ALKBH1: variants seen among roughly 807,000 people sequenced by gnomAD.
The protein encoded by ALKBH1 is alkB homolog 1, histone H2A dioxygenase.
In ALKBH1, 31 loss-of-function variants were observed where a neutral mutation model predicts 36.6. The observed-to-expected ratio is 0.85, with a 90% CI of 0.64 to 1.14. The LOEUF (loss-of-function observed/expected upper bound fraction) is 1.14. Among genes scored for constraint, ALKBH1 ranks in the 50% most tolerant of loss-of-function variants. The pLI, the probability that ALKBH1 is intolerant of heterozygous loss-of-function variation, is 0.00. For missense variants in ALKBH1, 490 were observed against 497.3 expected (o/e 0.99, Z 0.14); for synonymous variants, 183 against 186.6 (o/e 0.98, Z 0.16).
chr14:77,683,979 GTCT>G (rs2080253549), intron 3 of ALKBH1: 2 of 153,048 alleles, frequency 1.3e-5, no homozygotes, highest in Non-Finnish European at 2.9e-5. Context: ...CTTTCCCTTT[GTCT>G]TCGTCATTTT....
intron 4 of ALKBH1, among the ~76,000 whole-genome samples, chr14:77,677,812 T>G (rs1457997815): frequency 6.6e-6 from 1 of 152,190 alleles, no homozygotes; most frequent in East Asian, 1.9e-4. Flanking sequence ...TCCTCTATCA[T>G]TTTAAGCTTT....
chr14:77,690,158 G>C (rs553916694), intron 3 of ALKBH1, among the ~76,000 whole-genome samples: 1 of 152,186 alleles, frequency 6.6e-6, no homozygotes, highest in Non-Finnish European at 1.5e-5. Context: ...GAGCTTCCTA[G>C]GTAGAACAGC....
chr14:77,676,622 T>C (rs1240165967), intron 4 of ALKBH1, among the ~76,000 whole-genome samples: 1 of 152,216 alleles, frequency 6.6e-6, no homozygotes, highest in Non-Finnish European at 1.5e-5. Flanking sequence ...ACAAATGCTA[T>C]TACAGTAATG....
chr14:77,707,500 G>T (rs2080401502), intron 1 of ALKBH1, among the ~76,000 whole-genome samples: 1 of 151,992 alleles, frequency 6.6e-6, no homozygotes, highest in Admixed American at 6.6e-5. Flanking sequence ...CTACCCTACC[G>T]TCTACAAAGA....
chr14:77,694,941 T>C, intron 2 of ALKBH1, 41 bp from the exon 3 acceptor site: 3 of 1,371,402 alleles, frequency 2.2e-6, no homozygotes, highest in Non-Finnish European at 2.9e-6. Flanking sequence ...GAGGGGGAAA[T>C]TCTCCATCAG....
At chr14:77,683,848 A>C (rs1453327993) in intron 3 of ALKBH1, 1 of 164,446 alleles carries the variant, frequency 6.1e-6, no homozygotes, top group African/African-American at 2.4e-5. Context: ...CTGGGATTAC[A>C]GGCATGTGCC....
chr14:77,692,468 C>A (rs113298640), intron 3 of ALKBH1, among the ~76,000 whole-genome samples: 20 of 152,264 alleles, frequency 1.3e-4, no homozygotes, highest in African/African-American at 4.1e-4. Context: ...ATAAGGAGTG[C>A]GCAACCTAGA....
chr14:77,673,369 A>T lies in ALKBH1; in HGVS notation c.*443T>A, dbSNP rs1424202347. The T allele has an allele frequency of 6.1e-6, 1 of 163,528 alleles. No individual in the cohort carries two copies. Among genetic ancestry groups the T allele is most frequent in the Non-Finnish European group, 1.4e-5 (1 of 74,004 alleles). The allele number at this position is 163,528 out of a possible 1,614,324, so 10.1% of individuals were successfully genotyped here. A position where few individuals can be genotyped will look rare whatever the true frequency, so the allele number is the denominator to read the frequency against. ...TTGATGATGCCTGAGGGAGTTAAGA[A>T]GATGAGACTAATAGCTGGTTCACAG... On this transcript the variant is annotated 3_prime_UTR_variant, in exon 6 of 6. Transcript: ENST00000216489.
chr14:77,682,602 T>C (rs940286097), intron 3 of ALKBH1, among the ~76,000 whole-genome samples: 1 of 152,098 alleles, frequency 6.6e-6, no homozygotes, highest in Non-Finnish European at 1.5e-5. Flanking sequence ...ATGGTAGAAG[T>C]GGTAGTAAAA....
In ALKBH1 at chr14:77,673,829, T is replaced by A. The variant is rs770652409; in HGVS notation, c.1153A>T (p.Ile385Leu). The A allele has an allele frequency of 1.2e-6, 2 of 1,613,782 alleles. No homozygotes were observed. Among genetic ancestry groups the A allele is most frequent in the Non-Finnish European group, 1.7e-6 (2 of 1,179,778 alleles). ...TCCAAGTCTCAGCTGTCAGGGTTTA[T>A]CCTGGCCCGTTTTACTTCGCTATTC... is the stretch of plus-strand genomic sequence containing the variant. ...DQNSEVKRAR[I>L]NPDS Residue 385 changes from isoleucine (I) to leucine (L), a missense_variant, in exon 6 of 6, where the codon ATA (isoleucine) becomes TTA (leucine). Transcript: ENST00000216489.
At chr14:77,688,868 G>A (rs562084500) in intron 3 of ALKBH1, among the ~76,000 whole-genome samples, 1 of 152,098 alleles carries the variant, frequency 6.6e-6, no homozygotes, top group Non-Finnish European at 1.5e-5. Context: ...CACCGCGCCT[G>A]GCCTGAACTA....
chr14:77,695,663 T>C (rs927922943), intron 2 of ALKBH1, among the ~76,000 whole-genome samples: 2 of 151,842 alleles, frequency 1.3e-5, no homozygotes, highest in Admixed American at 6.6e-5. Context: ...GCAGTTACTG[T>C]CTCTGTAATA....
At position 77,704,359 on chromosome 14, in the gene ALKBH1, T is replaced by C. The variant is rs759813386; in HGVS notation, c.292+10A>G. The C allele has an allele frequency of 2.1e-5, 34 of 1,603,136 alleles. No homozygotes were observed. In the South Asian group the frequency reaches 3.6e-4, roughly 17 times the overall value. On this transcript the variant is annotated intron_variant, in intron 2 of 5. Coordinates refer to ENST00000216489, the MANE Select transcript of ALKBH1 (RefSeq NM_006020.3). ...GTGATATTGCCTTCTCTGAGGTCAG[T>C]TACACTCACCAGGATAGCCTTTGAG... is the stretch of plus-strand genomic sequence containing the variant.
intron 2 of ALKBH1, among the ~76,000 whole-genome samples, chr14:77,698,702 A>G (rs1309329355): frequency 1.3e-5 from 2 of 152,238 alleles, no homozygotes; most frequent in Non-Finnish European, 2.9e-5. Context: ...ACCAGAGGTC[A>G]GCAAATGTTT....
intron 2 of ALKBH1, among the ~76,000 whole-genome samples, chr14:77,695,996 G>A (rs57635466): frequency 1.3e-5 from 2 of 151,898 alleles, no homozygotes; most frequent in African/African-American, 4.8e-5. Flanking sequence ...GGAGGCTGAG[G>A]CAGGAGAATC....
chr14:77,682,159 T>C (rs1016028257), intron 3 of ALKBH1, among the ~76,000 whole-genome samples: 3 of 152,200 alleles, frequency 2.0e-5, no homozygotes, highest in East Asian at 3.8e-4. Context: ...ACTAGCTGAT[T>C]TGAACAATTA....
chr14:77,675,693 A>G lies in ALKBH1; in HGVS notation c.703T>C (p.Ser235Pro). The change falls in exon 5 of 6, where the codon TCT becomes CCT. Residue 235 changes from serine (S) to proline (P), a missense_variant. Ser to Pro is a moderately conservative substitution (Grantham distance 74). Transcript: ENST00000216489. ...DSTLGIHVDR[S>P]ELDHSKPLLS... Reference sequence around the variant, plus strand: ...AAGGGTTTGGAGTGATCTAGCTCAGATCTGTCTACGTGGATTCCCAGTGTG... The same window carrying G: ...AAGGGTTTGGAGTGATCTAGCTCAGGTCTGTCTACGTGGATTCCCAGTGTG... 1.2e-6 allele frequency: 2 copies of G among 1,614,180 alleles called. No homozygotes were observed. The highest frequency in any genetic ancestry group is 1.7e-6 in the Non-Finnish European group (2 of 1,180,012).
intron 2 of ALKBH1, among the ~76,000 whole-genome samples, chr14:77,695,478 G>A (rs2080321834): frequency 6.6e-6 from 1 of 152,154 alleles, no homozygotes; most frequent in African/African-American, 2.4e-5. Flanking sequence ...GAAGACTGGA[G>A]GGCGGAAGTT....
chr14:77,694,634 A>T lies in ALKBH1; in HGVS notation c.455+104T>A. On this transcript the variant is annotated intron_variant, in intron 3 of 5. Coordinates refer to ENST00000216489, the MANE Select transcript of ALKBH1 (RefSeq NM_006020.3). ...TTGGAAACAATGAAGGGAAAAAAAA[A>T]CCCAGCCAGTCACTTTTACTGCATT... 3 of 975,832 alleles carry T rather than the reference A, an allele frequency of 3.1e-6. No individual in the cohort carries two copies. In the Admixed American group the frequency reaches 9.2e-5, roughly 30 times the overall value. 60.4% of individuals were successfully genotyped at this position (975,832 alleles called of 1,614,324 possible). A position where few individuals can be genotyped will look rare whatever the true frequency, so the allele number is the denominator to read the frequency against.
Sources: gnomAD v4.1 joint callset for allele counts (sites outside exome capture counted in the v4.1 genomes callset) on GRCh38, gnomAD v4.1.1 for gene constraint, MANE v1.5 for transcripts, NCBI Gene and HGNC (gene_info 2026-07-23, HGNC 2026-07-21) for gene names.